The following KLHL21 variants were observed in gnomAD, a reference collection of about 807,000 sequenced individuals.
KLHL21 encodes the protein kelch like family member 21.
KLHL21 carries 42 observed loss-of-function variants against 44.1 expected under a neutral mutation model. That is an observed-to-expected ratio of 0.95 (90% CI 0.74 to 1.23). The LOEUF (loss-of-function observed/expected upper bound fraction) is 1.23, where lower values mean the gene tolerates loss of function less well. Among genes scored for constraint, KLHL21 ranks in the 50% most tolerant of loss-of-function variants. The pLI is 0.00. For missense variants in KLHL21, 918 were observed against 889.1 expected, an observed-to-expected ratio of 1.03 and a Z score of -0.41; for synonymous variants, 524 against 411.6, an observed-to-expected ratio of 1.27 and a Z score of -3.31.
chr1:6,600,083 T>A (rs1236723685), intron 1 of KLHL21, among the ~76,000 whole-genome samples: 1 of 152,108 alleles, frequency 6.6e-6, no homozygotes, highest in African/African-American at 2.4e-5. Flanking sequence ...TCTTGCTCTG[T>A]CACCCAGACT....
chr1:6,596,053 T>C (rs1012852188), intron 2 of KLHL21, among the ~76,000 whole-genome samples: 1 of 152,198 alleles, frequency 6.6e-6, no homozygotes, highest in Non-Finnish European at 1.5e-5. Context: ...TTCAACTTCA[T>C]CTGACACCCT....
At position 6,601,932 on chromosome 1, in the gene KLHL21, G is replaced by A; in HGVS notation, c.886C>T (p.Gln296Ter). 2 of 1,560,986 alleles carry A rather than the reference G, an allele frequency of 1.3e-6. No homozygotes were observed. The highest frequency in any genetic ancestry group is 4.8e-5 in the East Asian group (2 of 41,396). The change falls in exon 1 of 4, where the codon CAG (glutamine) becomes TAG (stop). Residue 296 changes from glutamine (Q) to a stop codon, truncating the protein, a stop_gained. Coordinates refer to ENST00000377658, the MANE Select transcript of KLHL21 (RefSeq NM_014851.4). LOFTEE classifies it high-confidence loss of function. ...ACAGTGACCAGCTCGTCACAGTCCT[G>A]GTCGCAGCCGCCCACGAGCACGAGG... is the stretch of plus-strand genomic sequence containing the variant. ...EILVLVGGCD[Q>*]DCDELVTVDC...
At chr1:6,594,194 T>C in intron 3 of KLHL21, 1 of 550,780 alleles carries the variant, frequency 1.8e-6, no homozygotes, top group Non-Finnish European at 2.3e-6. Flanking sequence ...TGTCACGGAG[T>C]GTAGGTTTGG....
intron 2 of KLHL21, among the ~76,000 whole-genome samples, chr1:6,596,720 T>A (rs1176759188): frequency 6.6e-6 from 1 of 152,218 alleles, no homozygotes. Flanking sequence ...GGCTGCCCTG[T>A]CTTTCCCCAG....
intron 1 of KLHL21, among the ~76,000 whole-genome samples, chr1:6,600,869 G>C (rs186199482): frequency 6.6e-6 from 1 of 152,336 alleles, no homozygotes; most frequent in Admixed American, 6.5e-5. Context: ...AGAGCAGCAG[G>C]CTAAGGAAGC....
At chr1:6,599,808 T>TC in intron 1 of KLHL21, 2 of 250,294 alleles carry the variant, frequency 8.0e-6, no homozygotes, top group South Asian at 8.7e-5. Context: ...CCACAGAGCT[T>TC]GTCAGCAGGG....
Position 6,592,456 on chromosome 1 carries a change from C to T in KLHL21, c.*909G>A, listed in dbSNP as rs1640863431. The T allele has an allele frequency of 1.3e-5, 2 of 152,282 alleles. No individual in the cohort carries two copies. Among genetic ancestry groups the T allele is most frequent in the African/African-American group, 4.8e-5 (2 of 41,468 alleles). 9.4% of individuals were successfully genotyped at this position (152,282 alleles called of 1,614,324 possible). On this transcript the variant is annotated 3_prime_UTR_variant, in exon 4 of 4. Coordinates refer to ENST00000377658, the MANE Select transcript of KLHL21 (RefSeq NM_014851.4). ...CTGGACAAATCAAACAAAGCTGACC[C>T]TGTAGAGCTCCTTCTTCTTCCCACT...
rs1040886344 is a variant in KLHL21, at chr1:6,602,869, C to G, written c.-52G>C. On this transcript the variant is annotated 5_prime_UTR_variant, in exon 1 of 4. Transcript: ENST00000377658. ...GCCGCGGCCGGGGCCTGCGGAGAGA[C>G]GCGGCGCGCTAGGCACCGCTGCTAT... 1.8e-5 allele frequency: 24 copies of G among 1,337,906 alleles called. No individual in the cohort carries two copies. Among genetic ancestry groups the G allele is most frequent in the Non-Finnish European group, 2.2e-5 (23 of 1,050,232 alleles). 82.9% of individuals were successfully genotyped at this position (1,337,906 alleles called of 1,614,324 possible).
chr1:6,600,009 G>T (rs1640992596), intron 1 of KLHL21, among the ~76,000 whole-genome samples: 1 of 152,110 alleles, frequency 6.6e-6, no homozygotes, highest in Non-Finnish European at 1.5e-5. Context: ...ACGAAGCTGT[G>T]TAAGTATAAT....
chr1:6,601,621 G>A (rs937040267), intron 1 of KLHL21, among the ~76,000 whole-genome samples, 176 bp downstream of exon 1: 2 of 152,168 alleles, frequency 1.3e-5, no homozygotes, highest in African/African-American at 2.4e-5. Context: ...TCACACAAGG[G>A]GCCCTTCTTC....
chr1:6,597,630 A>G lies in KLHL21; in HGVS notation c.1427+1417T>C, dbSNP rs1205490954. On this transcript the variant is annotated intron_variant, in intron 2 of 3. Transcript: ENST00000377658. Reference sequence around the variant, plus strand: ...TGTTCTTCTTGGTGCTCACTCCAAAAGCCTGGTAAGGAGCCTCCTGTCTGG... The same window carrying G: ...TGTTCTTCTTGGTGCTCACTCCAAAGGCCTGGTAAGGAGCCTCCTGTCTGG... Among the ~76,000 whole-genome samples, 3 of 152,158 alleles carry G rather than the reference A, an allele frequency of 2.0e-5. No homozygotes were observed. In the East Asian group the frequency reaches 5.8e-4, roughly 29 times the overall value.
Position 6,602,239 on chromosome 1 carries a change from G to A in KLHL21, c.579C>T (p.Pro193=). ...RYLRDDGLCV[P]KEEAAYQLAL... ...CCAGCTGGTAGGCGGCCTCCTCCTT[G>A]GGCACACACAGCCCGTCGTCCCGCA... Residue 193 remains proline (P), a synonymous_variant, in exon 1 of 4, where the codon CCC becomes CCT. Coordinates refer to ENST00000377658, the MANE Select transcript of KLHL21 (RefSeq NM_014851.4). 2 of 1,536,546 alleles carry A rather than the reference G, an allele frequency of 1.3e-6. No homozygotes were observed. The highest frequency in any genetic ancestry group is 2.4e-5 in the South Asian group (2 of 83,932).
At chr1:6,596,728 C>T (rs1054070826) in intron 2 of KLHL21, among the ~76,000 whole-genome samples, 1 of 152,212 alleles carries the variant, frequency 6.6e-6, no homozygotes, top group African/African-American at 2.4e-5. Context: ...TGTCTTTCCC[C>T]AGCAGAGACT....
At chr1:6,596,583 T>A (rs1311657630) in intron 2 of KLHL21, among the ~76,000 whole-genome samples, 2 of 152,350 alleles carry the variant, frequency 1.3e-5, no homozygotes, top group East Asian at 3.9e-4. Flanking sequence ...CATTTACATC[T>A]CGTCTAACTT....
Position 6,591,143 on chromosome 1 carries a change from C to A in KLHL21, c.*2222G>T, listed in dbSNP as rs1017569643. ...GAGGAGGGGGCCTGACCCTGGATCCCCCAGCTGGTGTCCACAGGCTAGAGG... is the reference window on the plus strand; with the variant it reads ...GAGGAGGGGGCCTGACCCTGGATCCACCAGCTGGTGTCCACAGGCTAGAGG... On this transcript the variant is annotated 3_prime_UTR_variant, in exon 4 of 4. Coordinates refer to ENST00000377658, the MANE Select transcript of KLHL21 (RefSeq NM_014851.4). The A allele has an allele frequency of 1.3e-4, 50 of 397,172 alleles. No homozygotes were observed. The highest frequency in any genetic ancestry group is 2.2e-4 in the Non-Finnish European group (50 of 225,566). The allele number at this position is 397,172 out of a possible 1,614,324, so 24.6% of individuals were successfully genotyped here.
At chr1:6,597,904 T>G (rs35070405) in intron 2 of KLHL21, among the ~76,000 whole-genome samples, 1 of 152,066 alleles carries the variant, frequency 6.6e-6, no homozygotes, top group Non-Finnish European at 1.5e-5. Flanking sequence ...GGCTGCCCCG[T>G]GCCATCATTG....
At position 6,592,506 on chromosome 1, in the gene KLHL21, T is replaced by C. The variant is rs1279843171; in HGVS notation, c.*859A>G. 6.6e-6 allele frequency: 1 copy of C among 152,296 alleles called. No homozygotes were observed. The highest frequency in any genetic ancestry group is 1.5e-5 in the Non-Finnish European group (1 of 68,086). The allele number at this position is 152,296 out of a possible 1,614,324, so 9.4% of individuals were successfully genotyped here. A position where few individuals can be genotyped will look rare whatever the true frequency, so the allele number is the denominator to read the frequency against. Reference sequence around the variant, plus strand: ...TTCTTCTAAGGTCAAACTGCAAGCATTTTCAACTTTGGAACCAACCACCAA... The same window carrying C: ...TTCTTCTAAGGTCAAACTGCAAGCACTTTCAACTTTGGAACCAACCACCAA... On this transcript the variant is annotated 3_prime_UTR_variant, in exon 4 of 4. Transcript: ENST00000377658.
chr1:6,591,711 G>A lies in KLHL21; in HGVS notation c.*1654C>T, dbSNP rs1640853402. ...GGGGCTCCCTGAGGGAGTTTGCACA[G>A]ACCAGGAGGGGCCAAGGGGTAGCCC... On this transcript the variant is annotated 3_prime_UTR_variant, in exon 4 of 4. Transcript: ENST00000377658. 1 of 152,934 alleles carries A rather than the reference G, an allele frequency of 6.5e-6. No homozygotes were observed. The highest frequency in any genetic ancestry group is 6.5e-5 in the Admixed American group (1 of 15,294). 9.5% of individuals were successfully genotyped at this position (152,934 alleles called of 1,614,324 possible).
Position 6,599,040 on chromosome 1 carries a change from A to G in KLHL21, c.1427+7T>C. The G allele has an allele frequency of 6.4e-7, 1 of 1,565,806 alleles. No homozygotes were observed. The highest frequency in any genetic ancestry group is 8.7e-7 in the Non-Finnish European group (1 of 1,153,048). On this transcript the variant is annotated splice_region_variant and intron_variant, in intron 2 of 3. Coordinates refer to ENST00000377658, the MANE Select transcript of KLHL21 (RefSeq NM_014851.4). The stretch of plus-strand genomic sequence containing the variant: ...ACACACAGTGGGGCTCGGCACCTGG[A>G]ACTCACCTGACAAAGTACATGAGTC...
Sources: allele counts gnomAD v4.1 joint callset (sites outside exome capture counted in the v4.1 genomes callset), GRCh38; gene constraint gnomAD v4.1.1; transcripts MANE v1.5; gene names NCBI Gene and HGNC (gene_info 2026-07-23, HGNC 2026-07-21).